The following RAB26 variants were observed in gnomAD, a reference collection of about 807,000 sequenced individuals.
The protein encoded by RAB26 is RAB26, member RAS oncogene family, also known as ras-related protein Rab-26.
RAB26 carries 39 observed loss-of-function variants against 33.1 expected under a neutral mutation model. The observed-to-expected ratio is 1.18, with a 90% CI of 0.91 to 1.54. The LOEUF is 1.54. Among genes scored for constraint, RAB26 ranks in the 40% most tolerant of loss-of-function variants. The pLI is 0.00. For missense variants in RAB26, 468 were observed against 362.9 expected (o/e 1.29, Z -2.35); for synonymous variants, 192 against 151.9 (o/e 1.26, Z -1.94).
At chr16:2,151,414 G>A in intron 2 of RAB26, 155 bp from the exon 3 acceptor site, 1 of 931,624 alleles carries the variant, frequency 1.1e-6, no homozygotes, top group East Asian at 2.5e-5. Flanking sequence ...GCACTTGCAG[G>A]TGTGGGTGAG....
rs892867814 is a variant in RAB26, at chr16:2,153,766, G to C, written c.*345G>C. The C allele has an allele frequency of 2.0e-6, 1 of 502,532 alleles. No individual in the cohort carries two copies. Among genetic ancestry groups the C allele is most frequent in the African/African-American group, 1.9e-5 (1 of 51,994 alleles). 31.1% of individuals were successfully genotyped at this position (502,532 alleles called of 1,614,324 possible). A position where few individuals can be genotyped will look rare whatever the true frequency, so the allele number is the denominator to read the frequency against. ...GCACCACGCACAGTGCCTAACCCTA[G>C]AAAAGCCATGTCTTCAGCCGCACAT... On this transcript the variant is annotated 3_prime_UTR_variant, in exon 9 of 9. Transcript: ENST00000210187.
Position 2,151,713 on chromosome 16 carries a change from C to G in RAB26, c.367C>G (p.Gln123Glu). 1 of 1,613,958 alleles carries G rather than the reference C, an allele frequency of 6.2e-7. No homozygotes were observed. Among genetic ancestry groups the G allele is most frequent in the Non-Finnish European group, 8.5e-7 (1 of 1,180,032 alleles). ...VKLQMWDTAG[Q>E]ERFRSVTHAY... ...GCTGCAGATGTGGGACACAGCTGGT[C>G]AGGAGCGGTTCCGCAGTGTTACCCA... The change falls in exon 4 of 9, where the codon CAG becomes GAG. Residue 123 changes from glutamine to glutamate, a missense_variant. Coordinates refer to ENST00000210187, the MANE Select transcript of RAB26 (RefSeq NM_014353.5).
chr16:2,152,716 A>AT (rs2093009587), intron 5 of RAB26, 104 bp from the exon 6 acceptor site: 24 of 748,094 alleles, frequency 3.2e-5, no homozygotes, highest in Non-Finnish European at 4.3e-5. Flanking sequence ...AAAAAAAAAA[A>AT]GATAAAGACA....
chr16:2,151,236 A>T, intron 2 of RAB26: 2 of 529,024 alleles, frequency 3.8e-6, no homozygotes, highest in South Asian at 1.6e-5. Context: ...ATTAGCAAAA[A>T]GAGCTACTGG....
At chr16:2,151,327 G>A (rs2093004282) in intron 2 of RAB26, 6 of 621,664 alleles carry the variant, frequency 9.7e-6, no homozygotes, top group South Asian at 8.9e-5. Context: ...TAAGAGGCCT[G>A]GTGGGGTCAT....
chr16:2,148,903 G>T lies in RAB26; in HGVS notation c.120G>T (p.Ala40=). ...RSGTALSGPD[A]PPNGPLQPGR... ...GGACTGCGCTTTCCGGCCCCGACGC[G>T]CCGCCCAACGGGCCCTTGCAGCCCG... The change falls in exon 1 of 9, where the codon GCG becomes GCT. Residue 40 remains alanine, a synonymous_variant. Transcript: ENST00000210187. 7.5e-7 allele frequency: 1 copy of T among 1,338,514 alleles called. No individual in the cohort carries two copies. Among genetic ancestry groups the T allele is most frequent in the Non-Finnish European group, 9.6e-7 (1 of 1,042,248 alleles). 82.9% of individuals were successfully genotyped at this position (1,338,514 alleles called of 1,614,324 possible).
In RAB26 at chr16:2,154,110, A is replaced by AG; in HGVS notation, c.*690dup. 3.2e-6 allele frequency: 1 copy of AG among 309,482 alleles called. No individual in the cohort carries two copies. The highest frequency in any genetic ancestry group is 6.4e-6 in the Non-Finnish European group (1 of 155,792). 19.2% of individuals were successfully genotyped at this position (309,482 alleles called of 1,614,324 possible). A position where few individuals can be genotyped will look rare whatever the true frequency, so the allele number is the denominator to read the frequency against. ...TTTGATTGCACAAGCCTTTGTTTTC[A>AG]GTCCTAGTGAATAAAGTTGTGTTTT... On this transcript the variant is annotated 3_prime_UTR_variant, in exon 9 of 9. Coordinates refer to ENST00000210187, the MANE Select transcript of RAB26 (RefSeq NM_014353.5).
Position 2,149,963 on chromosome 16 carries a change from G to C in RAB26, c.218G>C (p.Gly73Ala). Residue 73 changes from glycine to alanine, a missense_variant, in exon 2 of 9, where the codon GGT becomes GCT. By Grantham distance (60) the Gly-to-Ala change is moderately conservative. Coordinates refer to ENST00000210187, the MANE Select transcript of RAB26 (RefSeq NM_014353.5). ...AFKVMLVGDS[G>A]VGKTCLLVRF... ...TAGGTCATGCTGGTGGGGGACTCGG[G>C]TGTGGGGAAGACCTGTCTGCTGGTG... The C allele has an allele frequency of 6.5e-7, 1 of 1,539,558 alleles. No individual in the cohort carries two copies. Among genetic ancestry groups the C allele is most frequent in the Non-Finnish European group, 8.8e-7 (1 of 1,141,306 alleles).
chr16:2,151,486 A>G, intron 2 of RAB26, 83 bp from the exon 3 acceptor site: 1 of 1,596,898 alleles, frequency 6.3e-7, no homozygotes, highest in Non-Finnish European at 8.6e-7. Flanking sequence ...GGGAGGTCTC[A>G]GGGGACAGGA....
rs2093015096 is a variant in RAB26 at position 2,153,691 on chromosome 16, G to A, written c.*270G>A. 2 of 621,476 alleles carry A rather than the reference G, an allele frequency of 3.2e-6. No individual in the cohort carries two copies. The highest frequency in any genetic ancestry group is 2.1e-5 in the Admixed American group (1 of 47,252). The allele number at this position is 621,476 out of a possible 1,614,324, so 38.5% of individuals were successfully genotyped here. ...GCAAGTGGACAGACTTTGCCACGGTGCTCTGCTGCCCCCTCCTGGGCACGT... is the reference window on the plus strand; with the variant it reads ...GCAAGTGGACAGACTTTGCCACGGTACTCTGCTGCCCCCTCCTGGGCACGT... On this transcript the variant is annotated 3_prime_UTR_variant, in exon 9 of 9. Transcript: ENST00000210187.
At chr16:2,152,711 A>C in intron 5 of RAB26, 109 bp from the exon 6 acceptor site, 2 of 816,998 alleles carry the variant, frequency 2.4e-6, no homozygotes, top group Middle Eastern at 3.8e-4. Context: ...AAAAAAAAAA[A>C]AAAAAGATAA....
In RAB26 at chr16:2,152,885, G is replaced by C; in HGVS notation, c.534G>C (p.Lys178Asn). 1 of 1,604,692 alleles carries C rather than the reference G, an allele frequency of 6.2e-7. No homozygotes were observed. The highest frequency in any genetic ancestry group is 8.5e-7 in the Non-Finnish European group (1 of 1,175,310). ...TGGCGCTCATGCTGCTGGGGAACAA[G>C]GTGGGAGGCCCGGCTGTCCTCACCT... ...HDVALMLLGN[K>N]VDSAHERVVK... Residue 178 changes from lysine to asparagine, a missense_variant and splice_region_variant, in exon 6 of 9, where the codon AAG becomes AAC. Transcript: ENST00000210187.
intron 2 of RAB26, among the ~76,000 whole-genome samples, chr16:2,150,803 T>C (rs1045403329): frequency 6.6e-6 from 1 of 152,100 alleles, no homozygotes; most frequent in Non-Finnish European, 1.5e-5. Context: ...GAAGGCGGTG[T>C]CCTCCCCAGC....
Position 2,150,099 on chromosome 16 carries a change from C to T in RAB26, c.306+48C>T, listed in dbSNP as rs1178199634. 7 of 1,476,406 alleles carry T rather than the reference C, an allele frequency of 4.7e-6. No individual in the cohort carries two copies. The African/African-American group carries it at 8.6e-5, about 18-fold the overall frequency. 91.5% of individuals were successfully genotyped at this position (1,476,406 alleles called of 1,614,324 possible). A position where few individuals can be genotyped will look rare whatever the true frequency, so the allele number is the denominator to read the frequency against. The stretch of plus-strand genomic sequence containing the variant: ...CCCCACATCAGAGTCCCGCCGGTAC[C>T]CGAGCAGCAAGTTCTCTCTGATCCC... On this transcript the variant is annotated intron_variant, in intron 2 of 8. Transcript: ENST00000210187.
In RAB26 at chr16:2,154,021, C is replaced by G. The variant is rs761815437; in HGVS notation, c.*600C>G. The G allele has an allele frequency of 6.1e-5, 22 of 358,884 alleles. No homozygotes were observed. Among genetic ancestry groups the G allele is most frequent in the Non-Finnish European group, 1.2e-4 (21 of 179,572 alleles). 22.2% of individuals were successfully genotyped at this position (358,884 alleles called of 1,614,324 possible). On this transcript the variant is annotated 3_prime_UTR_variant, in exon 9 of 9. Coordinates refer to ENST00000210187, the MANE Select transcript of RAB26 (RefSeq NM_014353.5). ...ACACCAGAAACAACAACTGCCAGCC[C>G]GGCCTGGCCACAGGTGAGGTCTGTG...
chr16:2,152,959 G>A (rs1472893873), intron 6 of RAB26, 30 bp from the exon 7 acceptor site: 2 of 1,582,562 alleles, frequency 1.3e-6, no homozygotes, highest in African/African-American at 2.7e-5. Flanking sequence ...CCATGGGCCA[G>A]CTTTCACCAA....
chr16:2,150,105 A>C lies in RAB26; in HGVS notation c.306+54A>C, dbSNP rs1221070419. 7 of 1,461,450 alleles carry C rather than the reference A, an allele frequency of 4.8e-6. No homozygotes were observed. In the South Asian group the frequency reaches 7.8e-5, roughly 16 times the overall value. The allele number at this position is 1,461,450 out of a possible 1,614,324, so 90.5% of individuals were successfully genotyped here. The stretch of plus-strand genomic sequence containing the variant: ...ATCAGAGTCCCGCCGGTACCCGAGC[A>C]GCAAGTTCTCTCTGATCCCCATGGT... On this transcript the variant is annotated intron_variant, in intron 2 of 8. Transcript: ENST00000210187.
chr16:2,153,444 G>A lies in RAB26; in HGVS notation c.*23G>A. 2 of 1,609,268 alleles carry A rather than the reference G, an allele frequency of 1.2e-6. No individual in the cohort carries two copies. The highest frequency in any genetic ancestry group is 1.7e-6 in the Non-Finnish European group (2 of 1,176,678). The stretch of plus-strand genomic sequence containing the variant: ...TGAACCTGGCTGAGCTCAGTCCTCT[G>A]GAGGAAGCCGTCCAGTCCCTAGAAG... On this transcript the variant is annotated 3_prime_UTR_variant, in exon 9 of 9. Coordinates refer to ENST00000210187, the MANE Select transcript of RAB26 (RefSeq NM_014353.5).
chr16:2,153,784 C>T lies in RAB26; in HGVS notation c.*363C>T. 2.1e-6 allele frequency: 1 copy of T among 481,924 alleles called. No homozygotes were observed. The highest frequency in any genetic ancestry group is 6.2e-5 in the East Asian group (1 of 16,044). The allele number at this position is 481,924 out of a possible 1,614,324, so 29.9% of individuals were successfully genotyped here. ...AACCCTAGAAAAGCCATGTCTTCAG[C>T]CGCACATGCTCAGGCAGCTAAGGGA... On this transcript the variant is annotated 3_prime_UTR_variant, in exon 9 of 9. Coordinates refer to ENST00000210187, the MANE Select transcript of RAB26 (RefSeq NM_014353.5).
Sources: gnomAD v4.1 joint callset for allele counts (sites outside exome capture counted in the v4.1 genomes callset) on GRCh38, gnomAD v4.1.1 for gene constraint, MANE v1.5 for transcripts, NCBI Gene and HGNC (gene_info 2026-07-23, HGNC 2026-07-21) for gene names.